Variants in CACNB2 observed in about 807,000 individuals in gnomAD.
The protein encoded by CACNB2 is voltage-dependent L-type calcium channel subunit beta-2.
CACNB2 carries 42 observed loss-of-function variants against 73.3 expected under a neutral mutation model. The ratio of observed to expected loss-of-function variants is 0.57; its 90% confidence interval spans 0.45 to 0.74. The LOEUF (loss-of-function observed/expected upper bound fraction) is 0.74, where lower values mean the gene tolerates loss of function less well. Among genes scored for constraint, CACNB2 ranks in the 30% least tolerant of loss-of-function variants. The pLI is 0.00. For missense variants in CACNB2, 940 were observed against 853.0 expected (o/e 1.10, Z -1.27); for synonymous variants, 348 against 310.3 (o/e 1.12, Z -1.28).
At chr10:18,370,803 G>A (rs1484344968) in intron 2 of CACNB2, among the ~76,000 whole-genome samples, 1 of 151,982 alleles carries the variant, frequency 6.6e-6, no homozygotes, top group African/African-American at 2.4e-5. Context: ...CCATTGTTGG[G>A]CATTTAGGTT....
intron 2 of CACNB2, among the ~76,000 whole-genome samples, chr10:18,228,374 G>A (rs1003581902): frequency 6.1e-5 from 8 of 130,460 alleles, no homozygotes; most frequent in African/African-American, 2.2e-4. Flanking sequence ...CAGAGGTTGC[G>A]GTGAGCCGAG....
chr10:18,400,912 A>G (rs2043960966), intron 2 of CACNB2: 1 of 1,562,368 alleles, frequency 6.4e-7, no homozygotes, highest in Non-Finnish European at 8.6e-7. Context: ...AAAGGGACGG[A>G]GAACAGGGGC....
intron 2 of CACNB2, among the ~76,000 whole-genome samples, chr10:18,186,447 T>C (rs1030457826): frequency 1.3e-5 from 2 of 151,132 alleles, no homozygotes; most frequent in Admixed American, 6.6e-5. Context: ...AAGAAATACC[T>C]GAGACTGGGT....
intron 3 of CACNB2, among the ~76,000 whole-genome samples, chr10:18,408,231 CTTTTTTTTTTTTTTT>C (rs71402161): frequency 1.3e-5 from 1 of 77,952 alleles, no homozygotes; most frequent in Non-Finnish European, 2.3e-5. Context: ...CTATCCCTGA[CTTTTTTTTTTTTTTT>C]TTTTTTTTTT....
At chr10:18,521,883 A>G (rs2051924082) in intron 9 of CACNB2, among the ~76,000 whole-genome samples, 1 of 152,198 alleles carries the variant, frequency 6.6e-6, no homozygotes, top group East Asian at 1.9e-4. Flanking sequence ...CAACTACAAT[A>G]GATCAGGAGT....
intron 3 of CACNB2, among the ~76,000 whole-genome samples, chr10:18,482,034 C>T (rs771017071): frequency 4.5e-4 from 69 of 151,934 alleles, no homozygotes; most frequent in Admixed American, 9.8e-4. Context: ...GGATTACAGG[C>T]GCCTGCCACC....
intron 2 of CACNB2, chr10:18,262,045 A>G (rs2037571583): frequency 4.6e-5 from 24 of 518,382 alleles, no homozygotes; most frequent in Admixed American, 7.8e-5. Context: ...CAGCTACTCT[A>G]TTTTCAGGAA....
At chr10:18,484,953 G>C (rs2048981294) in intron 3 of CACNB2, among the ~76,000 whole-genome samples, 1 of 152,030 alleles carries the variant, frequency 6.6e-6, no homozygotes, top group Non-Finnish European at 1.5e-5. Context: ...CCAGGAGTTG[G>C]AGACCAGCCT....
chr10:18,437,061 TA>T (rs2046172587), intron 3 of CACNB2, among the ~76,000 whole-genome samples: 1 of 152,230 alleles, frequency 6.6e-6, no homozygotes, highest in African/African-American at 2.4e-5. Context: ...ACATTTGACT[TA>T]AATGTTTAAA....
intron 2 of CACNB2, among the ~76,000 whole-genome samples, chr10:18,193,291 T>G (rs888203918): frequency 5.9e-5 from 9 of 151,894 alleles, no homozygotes; most frequent in African/African-American, 1.9e-4. Context: ...TTACAGTGAT[T>G]GAATCATTAT....
At chr10:18,427,747 A>G (rs2045678834) in intron 3 of CACNB2, among the ~76,000 whole-genome samples, 1 of 152,098 alleles carries the variant, frequency 6.6e-6, no homozygotes, top group African/African-American at 2.4e-5. Flanking sequence ...CTAGATTTTC[A>G]GAATTTTAGG....
intron 10 of CACNB2, among the ~76,000 whole-genome samples, chr10:18,533,719 A>G (rs970760641): frequency 5.9e-5 from 9 of 152,234 alleles, no homozygotes; most frequent in Non-Finnish European, 1.3e-4. Context: ...GTGGTCTGCA[A>G]TGAACACACG....
At chr10:18,488,023 G>C (rs932146453) in intron 3 of CACNB2, among the ~76,000 whole-genome samples, 7 of 151,312 alleles carry the variant, frequency 4.6e-5, no homozygotes, top group African/African-American at 1.7e-4. Flanking sequence ...TGCACTGGCT[G>C]GTCTCGAACT....
At chr10:18,431,507 AG>A (rs2045888551) in intron 3 of CACNB2, among the ~76,000 whole-genome samples, 1 of 152,198 alleles carries the variant, frequency 6.6e-6, no homozygotes, top group African/African-American at 2.4e-5. Context: ...ACTTCAGCAA[AG>A]TTAGTGAAAA....
At chr10:18,349,906 A>C (rs1164627265) in intron 2 of CACNB2, among the ~76,000 whole-genome samples, 3 of 152,144 alleles carry the variant, frequency 2.0e-5, no homozygotes, top group African/African-American at 7.2e-5. Flanking sequence ...TTGCGCACGT[A>C]TGTTGCATGA....
intron 3 of CACNB2, among the ~76,000 whole-genome samples, chr10:18,403,034 T>C (rs567709776): frequency 6.6e-6 from 1 of 152,194 alleles, no homozygotes; most frequent in Non-Finnish European, 1.5e-5. Context: ...TGACCTCTAG[T>C]GCGGCTGCCA....
intron 2 of CACNB2, among the ~76,000 whole-genome samples, chr10:18,231,179 C>G (rs929247785): frequency 1.3e-5 from 2 of 151,738 alleles, no homozygotes; most frequent in Non-Finnish European, 2.9e-5. Flanking sequence ...ACTCTTTTTT[C>G]TTCTTCTTCT....
chr10:18,228,402 C>T (rs570533999), intron 2 of CACNB2, among the ~76,000 whole-genome samples: 76 of 76,468 alleles, frequency 9.9e-4, no homozygotes, highest in African/African-American at 3.1e-3. Context: ...CATTGCACTC[C>T]AGCCTGAGCA....
chr10:18,191,588 G>A (rs902966880), intron 2 of CACNB2, among the ~76,000 whole-genome samples: 12 of 152,016 alleles, frequency 7.9e-5, no homozygotes, highest in African/African-American at 1.7e-4. Context: ...ATCCCTCACC[G>A]CTTCCCACCC....
Sources: allele counts gnomAD v4.1 joint callset (sites outside exome capture counted in the v4.1 genomes callset), GRCh38; gene constraint gnomAD v4.1.1; transcripts MANE v1.5; gene names NCBI Gene and HGNC (gene_info 2026-07-23, HGNC 2026-07-21).